Variants in SOX6 observed in about 807,000 individuals in gnomAD.
SOX6 encodes transcription factor SOX-6.
A neutral mutation model predicts 97.8 loss-of-function variants in SOX6; 11 were observed. The observed-to-expected ratio is 0.11, with a 90% confidence interval of 0.07 to 0.19. The LOEUF (loss-of-function observed/expected upper bound fraction) is 0.19, where lower values mean the gene tolerates loss of function less well. SOX6 is among the 10% of genes least tolerant of loss of function. The probability of loss-of-function intolerance (pLI) is 1.00; values close to 1 mark genes in which losing one functional copy is unlikely to be tolerated. For missense variants in SOX6, 810 were observed against 1,039.5 expected (o/e 0.78, Z 3.04); for synonymous variants, 360 against 371.4 (o/e 0.97, Z 0.35).
chr11:16,608,336 A>C (rs761378433), intron 4 of SOX6, among the ~76,000 whole-genome samples: 3 of 152,176 alleles, frequency 2.0e-5, no homozygotes, highest in Non-Finnish European at 2.9e-5. Flanking sequence ...GAATGTTGAG[A>C]AGTACTAAGA....
At chr11:16,598,363 C>T (rs1848233999) in intron 4 of SOX6, among the ~76,000 whole-genome samples, 1 of 151,998 alleles carries the variant, frequency 6.6e-6, no homozygotes, top group Non-Finnish European at 1.5e-5. Context: ...CTTCAATATT[C>T]TTTCCCAAGA....
At chr11:16,626,492 A>G (rs1848625855) in intron 3 of SOX6, among the ~76,000 whole-genome samples, 1 of 152,118 alleles carries the variant, frequency 6.6e-6, no homozygotes, top group Non-Finnish European at 1.5e-5. Context: ...AAGTCCTCCA[A>G]ATTTATTCTT....
rs534749059 is a variant in SOX6, at chr11:16,540,834, A to C, written n.610-64446T>G. On this transcript the variant is annotated intron_variant and non_coding_transcript_variant, in intron 4 of 5. Transcript: ENST00000524520. ...ATGAAATAAAAGAGGATACAAACAA[A>C]TGGAAGAACACTCCATGCTCATGGG... Among the ~76,000 whole-genome samples the C allele has an allele frequency of 4.1e-3, 632 of 152,334 alleles. 3 individuals carry two copies. The highest frequency in any genetic ancestry group is 5.6e-3 in the Admixed American group (85 of 15,302).
At chr11:15,981,062 G>A (rs1206665466) in intron 15 of SOX6, among the ~76,000 whole-genome samples, 1 of 151,936 alleles carries the variant, frequency 6.6e-6, no homozygotes, top group Non-Finnish European at 1.5e-5. Context: ...ACAAATCAAT[G>A]AACAAAATAA....
At chr11:16,255,279 A>C (rs1853649741) in intron 3 of SOX6, among the ~76,000 whole-genome samples, 1 of 152,068 alleles carries the variant, frequency 6.6e-6, no homozygotes, top group Non-Finnish European at 1.5e-5. Context: ...ATATCTATAG[A>C]CTACTTCATC....
At chr11:16,481,083 T>C (rs1006938269), upstream of SOX6, among the ~76,000 whole-genome samples, 1 of 152,178 alleles carries the variant, frequency 6.6e-6, no homozygotes, top group African/African-American at 2.4e-5. Flanking sequence ...ATTAAAACTA[T>C]TGCTATTTCC....
chr11:16,063,491 T>C (rs1301885989), intron 9 of SOX6, among the ~76,000 whole-genome samples: 1 of 94,808 alleles, frequency 1.1e-5, no homozygotes, highest in African/African-American at 4.1e-5. Context: ...ATATTTACCA[T>C]AATTTTATAT....
intron 4 of SOX6, among the ~76,000 whole-genome samples, chr11:16,202,949 A>G (rs1021932333): frequency 2.0e-5 from 3 of 152,168 alleles, no homozygotes; most frequent in Non-Finnish European, 2.9e-5. Flanking sequence ...ACTGGGAAAA[A>G]AAAGATTCTG....
chr11:16,110,928 G>A (rs1277232685), intron 7 of SOX6, among the ~76,000 whole-genome samples: 1 of 152,188 alleles, frequency 6.6e-6, no homozygotes, highest in Non-Finnish European at 1.5e-5. Flanking sequence ...ACTCAGATTT[G>A]ATGGTAAATA....
intron 6 of SOX6, among the ~76,000 whole-genome samples, chr11:16,151,895 C>G (rs1366799140): frequency 6.6e-6 from 1 of 152,118 alleles, no homozygotes; most frequent in Non-Finnish European, 1.5e-5. Flanking sequence ...CAAATTCAAG[C>G]AATGCCTTAA....
At chr11:16,563,211 A>G (rs1171041937) in intron 4 of SOX6, among the ~76,000 whole-genome samples, 4 of 152,200 alleles carry the variant, frequency 2.6e-5, no homozygotes, top group Non-Finnish European at 4.4e-5. Context: ...GCAGAGAAGT[A>G]GAAAACATAA....
At chr11:16,566,079 G>A (rs376383130) in intron 4 of SOX6, among the ~76,000 whole-genome samples, 2 of 141,134 alleles carry the variant, frequency 1.4e-5, no homozygotes, top group Non-Finnish European at 3.0e-5. Context: ...CTAGGTGACA[G>A]AGCGAGACTC....
intron 3 of SOX6, among the ~76,000 whole-genome samples, chr11:16,688,912 T>C (rs1328604395): frequency 6.6e-6 from 1 of 152,232 alleles, no homozygotes; most frequent in East Asian, 1.9e-4. Context: ...TGAAAACAGT[T>C]TGATCCTTTT....
intron 13 of SOX6, among the ~76,000 whole-genome samples, chr11:16,003,367 T>C (rs1418962897): frequency 6.6e-6 from 1 of 152,106 alleles, no homozygotes; most frequent in Non-Finnish European, 1.5e-5. Context: ...TCAGGTATTA[T>C]TTATCCCATG....
intron 9 of SOX6, among the ~76,000 whole-genome samples, chr11:16,072,446 T>C (rs1297830974): frequency 1.3e-5 from 2 of 152,138 alleles, no homozygotes; most frequent in South Asian, 2.1e-4. Context: ...TATGGGATTA[T>C]GTAAAGAGAC....
chr11:16,096,098 T>A lies in SOX6; in HGVS notation c.999A>T (p.Pro333=), dbSNP rs764097216. Residue 333 remains proline, a synonymous_variant, in exon 9 of 16, where the codon CCA becomes CCT. Transcript: ENST00000683767. ...GGCCCTTTAGCCTTTGGTTAATTTG[T>A]GGGTGGGAGACATGACCCTTCTGTT... The part of the protein sequence containing the change: ...LQLQKGHVSH[P]QINQRLKGLS... 6.2e-7 allele frequency: 1 copy of A among 1,610,120 alleles called. No homozygotes were observed. Among genetic ancestry groups the A allele is most frequent in the South Asian group, 1.1e-5 (1 of 90,964 alleles).
At position 16,136,499 on chromosome 11, in the gene SOX6, C is replaced by T. The variant is rs145030912; in HGVS notation, c.778-24576G>A. Among the ~76,000 whole-genome samples the T allele has an allele frequency of 5.1e-4, 78 of 152,128 alleles. No homozygotes were observed. The East Asian group carries it at 0.015, about 28-fold the overall frequency. On this transcript the variant is annotated intron_variant, in intron 6 of 15. Transcript: ENST00000683767. ...CACTGCCACCTCAAACTCCTAGGCT[C>T]AAGGTATCTTCATGTCTCAACCTCC...
intron 3 of SOX6, among the ~76,000 whole-genome samples, chr11:16,701,222 C>G (rs1040582060): frequency 2.0e-5 from 3 of 152,156 alleles, no homozygotes; most frequent in African/African-American, 4.8e-5. Flanking sequence ...AGCGTGGACT[C>G]AGAGAGACCT....
chr11:15,983,725 C>A (rs1406444107), intron 15 of SOX6, among the ~76,000 whole-genome samples: 1 of 152,110 alleles, frequency 6.6e-6, no homozygotes, highest in African/African-American at 2.4e-5. Flanking sequence ...AAATGCTCAG[C>A]ATTGAGATGA....
Sources: gnomAD v4.1 joint callset for allele counts (sites outside exome capture counted in the v4.1 genomes callset) on GRCh38, gnomAD v4.1.1 for gene constraint, MANE v1.5 for transcripts, NCBI Gene and HGNC (gene_info 2026-07-23, HGNC 2026-07-21) for gene names.